UCHL3: variants seen among roughly 807,000 people sequenced by gnomAD.
UCHL3 encodes ubiquitin C-terminal hydrolase L3, also known as ubiquitin carboxyl-terminal hydrolase isozyme L3.
UCHL3 carries 22 observed loss-of-function variants against 35.8 expected under a neutral mutation model. That is an observed-to-expected ratio of 0.61 (90% CI 0.44 to 0.88). The LOEUF (loss-of-function observed/expected upper bound fraction) is 0.88. Ranked by LOEUF, UCHL3 falls within the 40% of genes least tolerant of loss-of-function variation. The probability of loss-of-function intolerance (pLI) is 0.00; values close to 1 mark genes in which losing one functional copy is unlikely to be tolerated. For synonymous variants in UCHL3, 90 were observed against 92.8 expected (o/e 0.97, Z 0.17); for missense variants, 229 against 276.9 (o/e 0.83, Z 1.23).
At chr13:75,557,665 G>GA (rs1179324633) in intron 2 of UCHL3, among the ~76,000 whole-genome samples, 1 of 152,054 alleles carries the variant, frequency 6.6e-6, no homozygotes, top group Non-Finnish European at 1.5e-5. Flanking sequence ...GAGCAGTCTG[G>GA]AAAAATATTT....
intron 5 of UCHL3, among the ~76,000 whole-genome samples, chr13:75,568,338 G>A (rs1206804775): frequency 2.0e-5 from 3 of 151,706 alleles, no homozygotes; most frequent in African/African-American, 7.3e-5. Context: ...AATATACTTT[G>A]AGAATTTTAA....
chr13:75,569,563 T>A, intron 6 of UCHL3, 56 bp downstream of exon 6: 1 of 1,479,332 alleles, frequency 6.8e-7, no homozygotes, highest in Non-Finnish European at 9.3e-7. Context: ...TATAAATTTC[T>A]TGCTGTAAAT....
intron 7 of UCHL3, among the ~76,000 whole-genome samples, chr13:75,602,205 G>A (rs1000638999): frequency 6.6e-6 from 1 of 152,102 alleles, no homozygotes; most frequent in South Asian, 2.1e-4. Context: ...CATTCACGTC[G>A]TTGGCCATTG....
intron 6 of UCHL3, among the ~76,000 whole-genome samples, chr13:75,580,942 TA>T (rs1211757956): frequency 1.3e-5 from 2 of 152,222 alleles, no homozygotes; most frequent in Non-Finnish European, 2.9e-5. Flanking sequence ...TATTCACAGC[TA>T]GTAATTTAAG....
At chr13:75,582,897 A>T (rs1240821583) in intron 6 of UCHL3, among the ~76,000 whole-genome samples, 1 of 152,156 alleles carries the variant, frequency 6.6e-6, no homozygotes, top group Non-Finnish European at 1.5e-5. Flanking sequence ...AAGTCCTTCC[A>T]TCTCTTGAAA....
chr13:75,554,103 G>A (rs571781348), intron 2 of UCHL3, among the ~76,000 whole-genome samples: 1 of 151,868 alleles, frequency 6.6e-6, no homozygotes, highest in Non-Finnish European at 1.5e-5. Flanking sequence ...TATCTCCCAG[G>A]CAGGCTGGAT....
intron 3 of UCHL3, among the ~76,000 whole-genome samples, chr13:75,564,122 G>A (rs1005037547): frequency 1.3e-5 from 2 of 151,912 alleles, no homozygotes; most frequent in Non-Finnish European, 2.9e-5. Context: ...GCTATCCTGA[G>A]TAATGCTGCA....
chr13:75,605,674 T>G (rs1214492377), intron 8 of UCHL3, 55 bp from the exon 9 acceptor site: 1 of 1,517,472 alleles, frequency 6.6e-7, no homozygotes, highest in South Asian at 1.2e-5. Context: ...TGTTTATCAT[T>G]TGTAAGTAAA....
intron 6 of UCHL3, among the ~76,000 whole-genome samples, chr13:75,579,412 A>G (rs2032116318): frequency 6.6e-6 from 1 of 151,878 alleles, no homozygotes; most frequent in African/African-American, 2.4e-5. Flanking sequence ...ATTTTATTTT[A>G]TTTTATTTTT....
At chr13:75,562,996 A>C (rs185748683) in intron 3 of UCHL3, among the ~76,000 whole-genome samples, 1 of 152,262 alleles carries the variant, frequency 6.6e-6, no homozygotes, top group Admixed American at 6.5e-5. Flanking sequence ...TATTAAGAGG[A>C]TATCTAGTGC....
chr13:75,558,725 G>A (rs1205522334), intron 2 of UCHL3, among the ~76,000 whole-genome samples: 1 of 152,184 alleles, frequency 6.6e-6, no homozygotes, highest in East Asian at 1.9e-4. Context: ...CTAAAGTAGA[G>A]ATGTAATCTT....
chr13:75,573,647 G>T (rs2031932951), intron 6 of UCHL3, among the ~76,000 whole-genome samples: 1 of 152,132 alleles, frequency 6.6e-6, no homozygotes. Context: ...GAGATCAATT[G>T]ATCTGATGTC....
At chr13:75,586,306 A>T (rs1163556332) in intron 6 of UCHL3, among the ~76,000 whole-genome samples, 1 of 152,054 alleles carries the variant, frequency 6.6e-6, no homozygotes, top group African/African-American at 2.4e-5. Context: ...TTATCTCACC[A>T]AGAAGACATA....
chr13:75,562,975 T>C (rs887114364), intron 3 of UCHL3, among the ~76,000 whole-genome samples: 7 of 152,210 alleles, frequency 4.6e-5, no homozygotes, highest in East Asian at 1.9e-4. Flanking sequence ...ATAGGTGATA[T>C]ATTGCAAAGT....
intron 3 of UCHL3, among the ~76,000 whole-genome samples, chr13:75,564,652 A>G (rs1383762529): frequency 6.6e-6 from 1 of 151,990 alleles, no homozygotes; most frequent in Non-Finnish European, 1.5e-5. Flanking sequence ...CCTCACCATT[A>G]TTTATTATCT....
chr13:75,560,967 G>T lies in UCHL3; in HGVS notation c.183+86G>T, dbSNP rs938021438. ...ATTTTTTGAGGCAGTATCTCGCTCT[G>T]TTGCCTAGGCTGGAGTGCAGAGGTG... On this transcript the variant is annotated intron_variant, in intron 3 of 8. Coordinates refer to ENST00000377595, the MANE Select transcript of UCHL3 (RefSeq NM_006002.5). 92 of 1,283,124 alleles carry T rather than the reference G, an allele frequency of 7.2e-5. No individual in the cohort carries two copies. In the Admixed American group the frequency reaches 1.1e-3, roughly 15 times the overall value. The allele number at this position is 1,283,124 out of a possible 1,614,324, so 79.5% of individuals were successfully genotyped here.
At chr13:75,575,395 G>A (rs538948703) in intron 6 of UCHL3, among the ~76,000 whole-genome samples, 1 of 152,272 alleles carries the variant, frequency 6.6e-6, no homozygotes, top group South Asian at 2.1e-4. Context: ...GAAACAATGA[G>A]GAAATTAAAT....
chr13:75,580,832 C>G (rs1220618196), intron 6 of UCHL3, among the ~76,000 whole-genome samples: 3 of 152,134 alleles, frequency 2.0e-5, no homozygotes, highest in Non-Finnish European at 4.4e-5. Context: ...TACTCCTGTG[C>G]TCTTAAGGCA....
chr13:75,599,272 A>G (rs34407556), intron 7 of UCHL3, among the ~76,000 whole-genome samples: 16,208 of 151,830 alleles, frequency 0.11, 1,164 homozygotes, highest in Non-Finnish European at 0.16. Context: ...CACACAGGCC[A>G]TAGTTTTAAT....
Sources: gnomAD v4.1 joint callset for allele counts (sites outside exome capture counted in the v4.1 genomes callset) on GRCh38, gnomAD v4.1.1 for gene constraint, MANE v1.5 for transcripts, NCBI Gene and HGNC (gene_info 2026-07-23, HGNC 2026-07-21) for gene names.